BICC1: variants seen among roughly 807,000 people sequenced by gnomAD.
BICC1 encodes the protein BicC family RNA binding protein 1.
In BICC1, 43 loss-of-function variants were observed where a neutral mutation model predicts 111.0. The ratio of observed to expected loss-of-function variants is 0.39; its 90% CI spans 0.30 to 0.50. The LOEUF (loss-of-function observed/expected upper bound fraction) is 0.50. BICC1 is among the 20% of genes least tolerant of loss of function. The probability of loss-of-function intolerance (pLI) is 0.88; values close to 1 mark genes in which losing one functional copy is unlikely to be tolerated. For missense variants in BICC1, 1,091 were observed against 1,203.2 expected, an observed-to-expected ratio of 0.91 and a Z score of 1.38; for synonymous variants, 467 against 434.4, an observed-to-expected ratio of 1.07 and a Z score of -0.93.
rs75054739 is a variant in BICC1 at position 58,777,377 on chromosome 10, C to G, written c.308-7624C>G. ...CAGCATCCTTGTATTTTAAACTCTT[C>G]CATCGCTGATTATATTGGAAATACT... On this transcript the variant is annotated intron_variant, in intron 3 of 20. Coordinates refer to ENST00000373886, the MANE Select transcript of BICC1 (RefSeq NM_001080512.3). Among the ~76,000 whole-genome samples the G allele has an allele frequency of 2.9e-3, 444 of 152,200 alleles. 1 individual carries two copies. The highest frequency in any genetic ancestry group is 0.01 in the African/African-American group (427 of 41,544).
intron 3 of BICC1, among the ~76,000 whole-genome samples, chr10:58,742,407 C>G (rs1056570688): frequency 6.7e-6 from 1 of 150,210 alleles, no homozygotes; most frequent in African/African-American, 2.5e-5. Flanking sequence ...GTCACTTCTG[C>G]CATGAGGTCA....
chr10:58,734,519 G>C (rs995596751), intron 3 of BICC1, among the ~76,000 whole-genome samples: 8 of 152,148 alleles, frequency 5.3e-5, no homozygotes, highest in African/African-American at 9.7e-5. Flanking sequence ...ATCATGATGT[G>C]GGGAATCTTG....
intron 1 of BICC1, among the ~76,000 whole-genome samples, chr10:58,600,782 AG>A (rs1488932032): frequency 6.6e-6 from 1 of 152,160 alleles, no homozygotes; most frequent in African/African-American, 2.4e-5. Context: ...CTTAATGAAT[AG>A]TAAATGTGAT....
chr10:58,803,984 A>G (rs954347617), intron 15 of BICC1, among the ~76,000 whole-genome samples: 3 of 152,188 alleles, frequency 2.0e-5, no homozygotes, highest in African/African-American at 7.2e-5. Flanking sequence ...TTTATCTTTC[A>G]CCACCAAAAA....
chr10:58,745,429 C>G (rs1337133358), intron 3 of BICC1, among the ~76,000 whole-genome samples: 1 of 152,006 alleles, frequency 6.6e-6, no homozygotes, highest in East Asian at 1.9e-4. Flanking sequence ...TAACAACTGA[C>G]CACAAACTTA....
intron 2 of BICC1, among the ~76,000 whole-genome samples, chr10:58,692,860 T>TAA (rs1252417479): frequency 2.0e-5 from 3 of 148,426 alleles, no homozygotes; most frequent in African/African-American, 7.6e-5. Context: ...ATTTTTTTTT[T>TAA]AAATTTTATT....
At chr10:58,728,450 T>A (rs1841181350) in intron 3 of BICC1, among the ~76,000 whole-genome samples, 1 of 152,152 alleles carries the variant, frequency 6.6e-6, no homozygotes, top group South Asian at 2.1e-4. Flanking sequence ...AACTTCTAAT[T>A]ACAGTTCTCT....
intron 2 of BICC1, among the ~76,000 whole-genome samples, chr10:58,680,195 G>T (rs1839474120): frequency 6.6e-6 from 1 of 152,154 alleles, no homozygotes; most frequent in Non-Finnish European, 1.5e-5. Flanking sequence ...GCAAGAGAAA[G>T]AAATAACAGG....
chr10:58,636,689 A>G (rs1333890902), intron 2 of BICC1, among the ~76,000 whole-genome samples: 1 of 152,204 alleles, frequency 6.6e-6, no homozygotes, highest in Non-Finnish European at 1.5e-5. Flanking sequence ...TAATACTATG[A>G]AGAATACTGA....
intron 3 of BICC1, among the ~76,000 whole-genome samples, chr10:58,750,694 A>G (rs1456245113): frequency 6.6e-6 from 1 of 152,168 alleles, no homozygotes; most frequent in African/African-American, 2.4e-5. Flanking sequence ...TACATAATGG[A>G]TTGAGTGGAA....
At chr10:58,634,974 T>C (rs1837911468) in intron 2 of BICC1, among the ~76,000 whole-genome samples, 1 of 152,034 alleles carries the variant, frequency 6.6e-6, no homozygotes, top group Non-Finnish European at 1.5e-5. Flanking sequence ...GCTGAGAAGG[T>C]GGAAAAAGAG....
At chr10:58,807,825 G>T (rs1843757719) in intron 17 of BICC1, among the ~76,000 whole-genome samples, 2 of 152,122 alleles carry the variant, frequency 1.3e-5, no homozygotes, top group African/African-American at 4.8e-5. Flanking sequence ...GGGAGTCGGG[G>T]TGGGTCTAGA....
At chr10:58,732,348 AGTGTATGT>A (rs1457501855) in intron 3 of BICC1, among the ~76,000 whole-genome samples, 12 of 124,314 alleles carry the variant, frequency 9.7e-5, no homozygotes, top group Admixed American at 6.6e-4. Flanking sequence ...GAGGAAGAGG[AGTGTATGT>A]GTGTGTGTGT....
intron 3 of BICC1, among the ~76,000 whole-genome samples, chr10:58,735,160 A>G (rs144839515): frequency 1.3e-5 from 2 of 152,312 alleles, no homozygotes; most frequent in Non-Finnish European, 2.9e-5. Context: ...TCTTCCACAC[A>G]TGTGTTATCT....
chr10:58,531,813 G>A (rs984180263), intron 1 of BICC1, among the ~76,000 whole-genome samples: 5 of 151,734 alleles, frequency 3.3e-5, no homozygotes, highest in Admixed American at 3.3e-4. Flanking sequence ...GGGATCAACA[G>A]CAGACTTTAT....
intron 20 of BICC1, 67 bp downstream of exon 20, chr10:58,820,535 G>A: frequency 8.3e-7 from 1 of 1,207,806 alleles, no homozygotes; most frequent in Admixed American, 1.7e-5. Context: ...TCAGCCATTG[G>A]GTTGTTTCTA....
chr10:58,777,276 C>G (rs1357310520), intron 3 of BICC1, among the ~76,000 whole-genome samples: 1 of 151,952 alleles, frequency 6.6e-6, no homozygotes, highest in Non-Finnish European at 1.5e-5. Context: ...GGCATATGCA[C>G]AATTTACCTC....
intron 1 of BICC1, among the ~76,000 whole-genome samples, chr10:58,596,500 C>CAAGA (rs1844817838): frequency 6.6e-6 from 1 of 152,148 alleles, no homozygotes; most frequent in Admixed American, 6.5e-5. Flanking sequence ...AAAACCAGCA[C>CAAGA]AAGACAAGGA....
At chr10:58,538,124 T>C (rs1842868588) in intron 1 of BICC1, among the ~76,000 whole-genome samples, 1 of 151,784 alleles carries the variant, frequency 6.6e-6, no homozygotes, top group Non-Finnish European at 1.5e-5. Flanking sequence ...AAAAAAATCA[T>C]AAAATTCACA....
Sources: allele counts gnomAD v4.1 joint callset (sites outside exome capture counted in the v4.1 genomes callset), GRCh38; gene constraint gnomAD v4.1.1; transcripts MANE v1.5; gene names NCBI Gene and HGNC (gene_info 2026-07-23, HGNC 2026-07-21).